Variants in LMBRD1 observed in about 807,000 individuals in gnomAD.
The protein encoded by LMBRD1 is LMBR1 domain containing 1, also known as lysosomal cobalamin transport escort protein LMBD1.
A neutral mutation model predicts 74.8 loss-of-function variants in LMBRD1; 64 were observed. The ratio of observed to expected loss-of-function variants is 0.86; its 90% CI spans 0.70 to 1.05. The LOEUF (loss-of-function observed/expected upper bound fraction) is 1.05. Ranked by LOEUF, LMBRD1 falls within the 50% of genes least tolerant of loss-of-function variation. The pLI is 0.00. For synonymous variants in LMBRD1, 204 were observed against 216.3 expected (o/e 0.94, Z 0.50); for missense variants, 652 against 645.9 (o/e 1.01, Z -0.10).
intron 14 of LMBRD1, among the ~76,000 whole-genome samples, chr6:69,687,328 GCACTTTAT>G (rs1424433028): frequency 1.5e-4 from 23 of 151,984 alleles, no homozygotes; most frequent in African/African-American, 5.5e-4. Flanking sequence ...ATCTCCTTTG[GCACTTTAT>G]TTTTCTCCAT....
At chr6:69,746,857 C>A (rs1233706170) in intron 5 of LMBRD1, 2 of 155,118 alleles carry the variant, frequency 1.3e-5, no homozygotes, top group Non-Finnish European at 2.9e-5. Flanking sequence ...GGTAAGAGCC[C>A]CTGGATCACC....
At chr6:69,742,862 T>G (rs927804260) in intron 5 of LMBRD1, among the ~76,000 whole-genome samples, 18 of 151,826 alleles carry the variant, frequency 1.2e-4, no homozygotes, top group African/African-American at 4.4e-4. Context: ...AAAAAATGAC[T>G]GGGCACAGCA....
intron 14 of LMBRD1, among the ~76,000 whole-genome samples, chr6:69,695,459 C>T (rs1238647013): frequency 6.6e-6 from 1 of 152,066 alleles, no homozygotes; most frequent in Non-Finnish European, 1.5e-5. Context: ...CTCATATGTA[C>T]CCCTGAGGGA....
chr6:69,716,695 G>T (rs1448372327), intron 8 of LMBRD1, among the ~76,000 whole-genome samples: 1 of 151,768 alleles, frequency 6.6e-6, no homozygotes, highest in Non-Finnish European at 1.5e-5. Flanking sequence ...TTACAAGATG[G>T]TATCTAGATT....
Position 69,790,406 on chromosome 6 carries a change from A to T in LMBRD1, c.136T>A (p.Ser46Thr), listed in dbSNP as rs1428938771. Residue 46 changes from serine to threonine, a missense_variant, in exon 2 of 16, where the codon TCC becomes ACC. Ser to Thr is a moderately conservative substitution (Grantham distance 58, BLOSUM62 1). Coordinates refer to ENST00000649934, the MANE Select transcript of LMBRD1 (RefSeq NM_018368.4). Reference protein sequence around the residue: ...YQSRRESEVVSTITAIFSLAI... With the variant: ...YQSRRESEVVTTITAIFSLAI... ...AGAGAAAAAATTGCTGTTATGGTGG[A>T]GACAACTTCACTTTCCCGCCGACTT... 2 of 1,613,950 alleles carry T rather than the reference A, an allele frequency of 1.2e-6. No individual in the cohort carries two copies. The highest frequency in any genetic ancestry group is 1.3e-5 in the African/African-American group (1 of 74,940).
At chr6:69,790,532 ATG>A (rs1335478167) in intron 1 of LMBRD1, 60 bp from the exon 2 acceptor site, 1 of 1,546,688 alleles carries the variant, frequency 6.5e-7, no homozygotes, top group African/African-American at 1.4e-5. Flanking sequence ...TGATTTTTGT[ATG>A]TGTTTGAAAG....
At chr6:69,710,663 G>T (rs1404473531) in intron 9 of LMBRD1, among the ~76,000 whole-genome samples, 1 of 152,028 alleles carries the variant, frequency 6.6e-6, no homozygotes, top group Non-Finnish European at 1.5e-5. Flanking sequence ...TTTAGAAAAT[G>T]GCCAAGAGAT....
intron 3 of LMBRD1, among the ~76,000 whole-genome samples, chr6:69,771,237 C>A: frequency 6.6e-6 from 1 of 152,222 alleles, no homozygotes; most frequent in Non-Finnish European, 1.5e-5. Flanking sequence ...CAAGGCTTGA[C>A]TGGGGAAGAA....
chr6:69,721,943 C>A (rs190050062), intron 7 of LMBRD1, among the ~76,000 whole-genome samples: 1 of 151,970 alleles, frequency 6.6e-6, no homozygotes, highest in Non-Finnish European at 1.5e-5. Context: ...GGAACAGTGT[C>A]GATGGTGGCC....
At chr6:69,679,283 T>C (rs1385463188) in intron 14 of LMBRD1, among the ~76,000 whole-genome samples, 1 of 152,122 alleles carries the variant, frequency 6.6e-6, no homozygotes, top group African/African-American at 2.4e-5. Context: ...CTGTCTCCTA[T>C]AGTTACCATA....
intron 7 of LMBRD1, among the ~76,000 whole-genome samples, chr6:69,729,023 T>C (rs1766796185): frequency 6.6e-6 from 1 of 151,916 alleles, no homozygotes; most frequent in Non-Finnish European, 1.5e-5. Context: ...CAATTATTGG[T>C]TGGTATTGGG....
intron 2 of LMBRD1, among the ~76,000 whole-genome samples, chr6:69,781,473 G>A (rs1047218675): frequency 2.0e-5 from 3 of 151,906 alleles, no homozygotes; most frequent in Non-Finnish European, 4.4e-5. Flanking sequence ...CTTAAAAAAG[G>A]GCATCAATAT....
chr6:69,749,464 T>C, intron 4 of LMBRD1, 56 bp from the exon 5 acceptor site: 1 of 1,351,990 alleles, frequency 7.4e-7, no homozygotes, highest in Non-Finnish European at 1.1e-6. Context: ...AAATATAAAA[T>C]ATTCTTGCAA....
At chr6:69,789,777 A>G (rs1370387187) in intron 2 of LMBRD1, among the ~76,000 whole-genome samples, 1 of 152,194 alleles carries the variant, frequency 6.6e-6, no homozygotes. Context: ...GAAACTCAGA[A>G]ACCTTTAGTC....
chr6:69,704,023 A>C (rs1766193583), intron 9 of LMBRD1, among the ~76,000 whole-genome samples: 1 of 152,028 alleles, frequency 6.6e-6, no homozygotes, highest in African/African-American at 2.4e-5. Flanking sequence ...TCCAGAAATG[A>C]CACAGACAGA....
At chr6:69,729,175 A>G (rs13202730) in intron 7 of LMBRD1, among the ~76,000 whole-genome samples, 5,573 of 148,048 alleles carry the variant, frequency 0.038, 140 homozygotes, top group Non-Finnish European at 0.055. Context: ...GCTTTGTCCA[A>G]CATACACATT....
intron 14 of LMBRD1, among the ~76,000 whole-genome samples, chr6:69,692,565 C>A (rs1765911629): frequency 6.6e-6 from 1 of 152,146 alleles, no homozygotes. Flanking sequence ...TGCCACCATT[C>A]ATTGCTATGA....
rs1765517524 is a variant in LMBRD1 at position 69,674,982 on chromosome 6, AG to A, written c.*1175del. On this transcript the variant is annotated 3_prime_UTR_variant, in exon 16 of 16. Transcript: ENST00000649934. ...GAGTGAAACTCCATCTTAAAAAAAA[AG>A]AAAAAAGAAAATGTAAAATAAGAAC... Among the ~76,000 whole-genome samples the A allele has an allele frequency of 6.6e-6, 1 of 152,176 alleles. No individual in the cohort carries two copies. The highest frequency in any genetic ancestry group is 2.1e-4 in the South Asian group (1 of 4,836).
intron 1 of LMBRD1, among the ~76,000 whole-genome samples, chr6:69,793,190 T>C (rs542631480): frequency 6.6e-6 from 1 of 152,326 alleles, no homozygotes; most frequent in South Asian, 2.1e-4. Flanking sequence ...AAGAAAAGTT[T>C]CAAATAGTCC....
Sources: allele counts gnomAD v4.1 joint callset (sites outside exome capture counted in the v4.1 genomes callset), GRCh38; gene constraint gnomAD v4.1.1; transcripts MANE v1.5; gene names NCBI Gene and HGNC (gene_info 2026-07-23, HGNC 2026-07-21).